CXorf58: variants seen among roughly 807,000 people sequenced by gnomAD.
The protein encoded by CXorf58 is uncharacterized protein CXorf58.
In CXorf58, 24 loss-of-function variants were observed where a neutral mutation model predicts 26.0. The observed-to-expected ratio is 0.92, with a 90% CI of 0.67 to 1.30. The LOEUF (loss-of-function observed/expected upper bound fraction) is 1.30. CXorf58 is among the 50% of genes most tolerant of loss of function. CXorf58 has a pLI of 0.00. For synonymous variants in CXorf58, 87 were observed against 86.1 expected (o/e 1.01, Z -0.06); for missense variants, 236 against 263.9 (o/e 0.89, Z 0.73).
intron 5 of CXorf58, among the ~76,000 whole-genome samples, chrX:23,919,971 CTT>C (rs1309773340): frequency 1.8e-5 from 2 of 112,644 alleles, no homozygotes; most frequent in Non-Finnish European, 1.9e-5. Context: ...CAGGCAGAGA[CTT>C]TTGTTCTCTT....
intron 5 of CXorf58, among the ~76,000 whole-genome samples, chrX:23,918,808 C>T (rs951414778): frequency 4.5e-5 from 5 of 112,184 alleles, no homozygotes; most frequent in African/African-American, 1.6e-4. Context: ...CTTTATTTCT[C>T]CTTCATGTTT....
chrX:23,921,152 AC>A (rs988348961), intron 5 of CXorf58, among the ~76,000 whole-genome samples: 7 of 111,039 alleles, frequency 6.3e-5, no homozygotes, highest in African/African-American at 2.3e-4. Context: ...TACTCCTGCC[AC>A]CCCCTTGCTG....
intron 5 of CXorf58, among the ~76,000 whole-genome samples, chrX:23,919,760 G>A (rs1248552905): frequency 8.9e-6 from 1 of 112,318 alleles, no homozygotes; most frequent in East Asian, 2.8e-4. Context: ...TACAGTCTGC[G>A]CTTGTTTGTA....
chrX:23,911,670 G>T, intron 2 of CXorf58, 87 bp from the exon 3 acceptor site: 1 of 581,883 alleles, frequency 1.7e-6, no homozygotes, highest in Non-Finnish European at 2.8e-6. Flanking sequence ...GGGAGGTACA[G>T]GAGGAGGAAG....
chrX:23,938,495 T>C, intron 7 of CXorf58, 52 bp from the exon 8 acceptor site: 1 of 991,402 alleles, frequency 1.0e-6, no homozygotes, highest in Non-Finnish European at 1.3e-6. Context: ...TTGCTTTGCA[T>C]TTATATTTTA....
At chrX:23,919,408 C>G (rs1927808310) in intron 5 of CXorf58, among the ~76,000 whole-genome samples, 1 of 112,374 alleles carries the variant, frequency 8.9e-6, no homozygotes, top group Non-Finnish European at 1.9e-5. Context: ...TCCAGAATTT[C>G]TTTCTGCTCG....
intron 6 of CXorf58, among the ~76,000 whole-genome samples, chrX:23,931,846 C>A (rs908981459): frequency 3.6e-5 from 4 of 111,976 alleles, no homozygotes; most frequent in African/African-American, 9.7e-5. Flanking sequence ...ATTAAAAACT[C>A]TTTTGCTGTC....
chrX:23,915,120 C>T (rs1289890405), intron 3 of CXorf58, among the ~76,000 whole-genome samples: 1 of 112,460 alleles, frequency 8.9e-6, no homozygotes, highest in Non-Finnish European at 1.9e-5. Context: ...GGCGACGGAG[C>T]GAGACTCTGT....
chrX:23,919,715 G>A (rs1466813405), intron 5 of CXorf58, among the ~76,000 whole-genome samples: 7 of 112,391 alleles, frequency 6.2e-5, no homozygotes, highest in East Asian at 5.5e-4. Context: ...TCTGGGCATC[G>A]AAGAGTTAGG....
intron 6 of CXorf58, among the ~76,000 whole-genome samples, chrX:23,934,030 C>CA (rs5901746): frequency 0.076 from 7,481 of 98,491 alleles, 630 homozygotes; most frequent in African/African-American, 0.24. Flanking sequence ...GACCCTGTCT[C>CA]AAAAAAAAAA....
intron 3 of CXorf58, among the ~76,000 whole-genome samples, 154 bp from the exon 4 acceptor site, chrX:23,915,546 A>G (rs1023025039): frequency 8.9e-6 from 1 of 112,156 alleles, no homozygotes; most frequent in African/African-American, 3.2e-5. Flanking sequence ...AAGGCTACAC[A>G]GATAGTAAGT....
At position 23,939,255 on chromosome X, in the gene CXorf58, G is replaced by A. The variant is rs775722910; in HGVS notation, c.951G>A (p.Thr317=). 6 of 1,190,742 alleles carry A rather than the reference G, an allele frequency of 5.0e-6. No individual in the cohort carries two copies. In the African/African-American group the frequency reaches 5.3e-5, roughly 11 times the overall value. The change falls in exon 9 of 9, where the codon ACG becomes ACA. Residue 317 remains threonine, a synonymous_variant. Coordinates refer to ENST00000379211, the MANE Select transcript of CXorf58 (RefSeq NM_152761.3). The part of the protein sequence containing the change: ...KNTSEVTEPK[T]GPSGTKDNYH... ...ATAATTCTGCCTAGGAACCAAAAAC[G>A]GGCCCATCAGGTACAAAGGATAACT... is the stretch of plus-strand genomic sequence containing the variant.
At chrX:23,920,295 C>T (rs56015332) in intron 5 of CXorf58, among the ~76,000 whole-genome samples, 1 of 112,778 alleles carries the variant, frequency 8.9e-6, no homozygotes, top group African/African-American at 3.2e-5. Context: ...TTATACATGA[C>T]TATATTTAAG....
At chrX:23,909,065 T>G (rs1927497956) in intron 1 of CXorf58, among the ~76,000 whole-genome samples, 1 of 111,480 alleles carries the variant, frequency 9.0e-6, no homozygotes, top group Non-Finnish European at 1.9e-5. Flanking sequence ...TCCCAGATGT[T>G]AAGGGCTGCT....
chrX:23,915,500 C>T (rs756257145), intron 3 of CXorf58, among the ~76,000 whole-genome samples, 200 bp from the exon 4 acceptor site: 1 of 111,676 alleles, frequency 9.0e-6, no homozygotes, highest in African/African-American at 3.2e-5. Flanking sequence ...GACAGATAAC[C>T]AAAGTTGGAG....
chrX:23,919,548 G>A (rs996361555), intron 5 of CXorf58, among the ~76,000 whole-genome samples: 4 of 111,488 alleles, frequency 3.6e-5, no homozygotes, highest in Admixed American at 1.9e-4. Context: ...GTTTTTTTAC[G>A]TCAGAACATG....
intron 8 of CXorf58, 49 bp from the exon 9 acceptor site, chrX:23,939,195 A>C (rs1239982066): frequency 1.1e-6 from 1 of 913,704 alleles, no homozygotes. Flanking sequence ...ATAAAGTAGT[A>C]AAAACCAAAT....
At chrX:23,915,657 G>A (rs1286590791) in intron 3 of CXorf58, 43 bp from the exon 4 acceptor site, 1 of 789,293 alleles carries the variant, frequency 1.3e-6, no homozygotes. Flanking sequence ...TTGTGTCTGG[G>A]TGGGATACTG....
At chrX:23,914,274 T>TG (rs774917317) in intron 3 of CXorf58, among the ~76,000 whole-genome samples, 31 of 110,272 alleles carry the variant, frequency 2.8e-4, no homozygotes, top group African/African-American at 9.2e-4. Flanking sequence ...TTAGTAGAGA[T>TG]GGGGTTTCAC....
Sources: gnomAD v4.1 joint callset for allele counts (sites outside exome capture counted in the v4.1 genomes callset) on GRCh38, gnomAD v4.1.1 for gene constraint, MANE v1.5 for transcripts, NCBI Gene and HGNC (gene_info 2026-07-23, HGNC 2026-07-21) for gene names.